MYO5C: variants seen among roughly 807,000 people sequenced by gnomAD.
MYO5C encodes unconventional myosin-Vc.
Under a neutral mutation model 235.7 loss-of-function variants are expected in MYO5C, and 194 were observed. That is an observed-to-expected ratio of 0.82 (90% CI 0.73 to 0.93). The LOEUF is 0.93. Ranked by LOEUF, MYO5C falls within the 40% of genes least tolerant of loss-of-function variation. MYO5C has a pLI of 0.00. For synonymous variants in MYO5C, 707 were observed against 754.8 expected (o/e 0.94, Z 1.04); for missense variants, 2,038 against 2,127.2 (o/e 0.96, Z 0.82).
At chr15:52,245,705 G>A (rs568479717) in intron 17 of MYO5C, among the ~76,000 whole-genome samples, 57 of 152,322 alleles carry the variant, frequency 3.7e-4, no homozygotes, top group East Asian at 1.9e-4. Context: ...CCTAGTACAC[G>A]GGGGAGGCGG....
At chr15:52,222,212 C>T (rs950983943) in intron 29 of MYO5C, among the ~76,000 whole-genome samples, 8 of 152,104 alleles carry the variant, frequency 5.3e-5, no homozygotes, top group African/African-American at 1.7e-4. Context: ...GGACGTAGCC[C>T]CATGGTAAGC....
chr15:52,277,348 C>G (rs2037075417), intron 4 of MYO5C: 1 of 477,934 alleles, frequency 2.1e-6, no homozygotes, highest in African/African-American at 2.1e-5. Flanking sequence ...CACCCATACC[C>G]AGTCCCTAAT....
intron 23 of MYO5C, among the ~76,000 whole-genome samples, chr15:52,234,457 C>G (rs986652372): frequency 2.0e-5 from 3 of 148,350 alleles, no homozygotes; most frequent in Admixed American, 6.9e-5. Context: ...ATTTAAATGC[C>G]CTTGTGGGAA....
Position 52,224,918 on chromosome 15 carries a change from T to A in MYO5C, c.3429A>T (p.Gly1143=), listed in dbSNP as rs975385300. The change falls in exon 28 of 41, where the codon GGA becomes GGT. Residue 1143 remains glycine, a synonymous_variant. Transcript: ENST00000261839. ...EDGELWFAYE[G]LKKATRVLES... ...TTTCTAACCGTGTTGCTTTCTTTAG[T>A]CCTTCATAAGCAAACCAAAGTTCTC... 6.2e-7 allele frequency: 1 copy of A among 1,613,578 alleles called. No individual in the cohort carries two copies. Among genetic ancestry groups the A allele is most frequent in the Non-Finnish European group, 8.5e-7 (1 of 1,179,830 alleles).
At chr15:52,205,186 GAC>G (rs748999350) in intron 37 of MYO5C, 39 bp from the exon 38 acceptor site, 3 of 1,601,060 alleles carry the variant, frequency 1.9e-6, no homozygotes, top group African/African-American at 2.7e-5. Context: ...CACGCCAGGA[GAC>G]ACACGCGGAA....
rs1215501790 is a variant in MYO5C at position 52,286,893 on chromosome 15, C to T, written c.28-4001G>A. Among the ~76,000 whole-genome samples, 5 of 149,902 alleles carry T rather than the reference C, an allele frequency of 3.3e-5. No individual in the cohort carries two copies. In the East Asian group the frequency reaches 9.8e-4, roughly 29 times the overall value. ...CCTTCCCTCCACTATTGTCCTGTGA[C>T]CCTGCCAAATCCCCCTCTGCGAGAA... On this transcript the variant is annotated intron_variant, in intron 1 of 40. Transcript: ENST00000261839.
At chr15:52,210,086 CCTG>C (rs1208416732) in intron 35 of MYO5C, among the ~76,000 whole-genome samples, 3 of 152,166 alleles carry the variant, frequency 2.0e-5, no homozygotes, top group Admixed American at 6.5e-5. Flanking sequence ...ACCTCAGCTT[CCTG>C]AGTAGCTGGG....
chr15:52,194,146 T>G, intron 40 of MYO5C, 92 bp from the exon 41 acceptor site: 111 of 1,194,190 alleles, frequency 9.3e-5, no homozygotes, highest in Middle Eastern at 2.4e-4. Context: ...CAGCTATCTC[T>G]AGTGGAGAGC....
intron 1 of MYO5C, among the ~76,000 whole-genome samples, chr15:52,285,331 G>A (rs1304161387): frequency 1.3e-5 from 2 of 151,356 alleles, no homozygotes; most frequent in African/African-American, 4.9e-5. Context: ...TCGCACCACT[G>A]CACTCCAGCC....
At chr15:52,278,537 G>C (rs1468345484) in intron 4 of MYO5C, among the ~76,000 whole-genome samples, 1 of 145,916 alleles carries the variant, frequency 6.9e-6, no homozygotes, top group Non-Finnish European at 1.5e-5. Flanking sequence ...CCTGCAATGG[G>C]TAAAAAAAAA....
chr15:52,211,645 T>G, intron 35 of MYO5C, 85 bp downstream of exon 35: 1 of 1,434,036 alleles, frequency 7.0e-7, no homozygotes, highest in Non-Finnish European at 9.6e-7. Context: ...CACCACACAA[T>G]GGAGGCTCAG....
At chr15:52,208,467 G>A in intron 36 of MYO5C, 87 bp downstream of exon 36, 1 of 1,216,618 alleles carries the variant, frequency 8.2e-7, no homozygotes, top group Non-Finnish European at 1.2e-6. Flanking sequence ...CTGGTGGAGA[G>A]GATAGAGGCT....
At chr15:52,212,935 C>G (rs972819485) in intron 34 of MYO5C, among the ~76,000 whole-genome samples, 1 of 152,200 alleles carries the variant, frequency 6.6e-6, no homozygotes, top group Non-Finnish European at 1.5e-5. Flanking sequence ...CTGGAGATAT[C>G]TTTTATTGTC....
At chr15:52,286,318 G>C (rs1164139006) in intron 1 of MYO5C, among the ~76,000 whole-genome samples, 2 of 148,898 alleles carry the variant, frequency 1.3e-5, no homozygotes, top group Non-Finnish European at 3.0e-5. Flanking sequence ...AGGGAGGTGG[G>C]GGGGGTCAGC....
At position 52,237,718 on chromosome 15, in the gene MYO5C, C is replaced by T; in HGVS notation, c.2704-72G>A. On this transcript the variant is annotated intron_variant, in intron 21 of 40. Transcript: ENST00000261839. ...ATGCTGTTCCATTTAATTCTCATAG[C>T]CTTTGACACAGCATCCAAATTTGAG... 4.1e-6 allele frequency: 6 copies of T among 1,457,604 alleles called. No homozygotes were observed. The East Asian group carries it at 1.1e-4, about 28-fold the overall frequency. The allele number at this position is 1,457,604 out of a possible 1,614,324, so 90.3% of individuals were successfully genotyped here. A position where few individuals can be genotyped will look rare whatever the true frequency, so the allele number is the denominator to read the frequency against.
chr15:52,258,510 T>G (rs1279324488), intron 10 of MYO5C, among the ~76,000 whole-genome samples: 3 of 152,194 alleles, frequency 2.0e-5, no homozygotes, highest in Non-Finnish European at 4.4e-5. Flanking sequence ...AGCTTAGACC[T>G]TGAAGCTCAC....
chr15:52,274,016 CT>C (rs2036983438), intron 5 of MYO5C, among the ~76,000 whole-genome samples: 1 of 152,080 alleles, frequency 6.6e-6, no homozygotes, highest in Admixed American at 6.6e-5. Context: ...AGGATTTTTG[CT>C]TTTTACTTCT....
At chr15:52,264,096 A>G (rs2036751165) in intron 9 of MYO5C, 94 bp downstream of exon 9, 4 of 906,290 alleles carry the variant, frequency 4.4e-6, no homozygotes, top group Admixed American at 2.5e-5. Flanking sequence ...GAGGCCGACT[A>G]TATCTGGTGC....
intron 10 of MYO5C, among the ~76,000 whole-genome samples, chr15:52,258,785 A>T (rs2036631978): frequency 6.6e-6 from 1 of 152,194 alleles, no homozygotes; most frequent in South Asian, 2.1e-4. Flanking sequence ...AGGAATCTTA[A>T]AATAATTTAC....
Sources: allele counts gnomAD v4.1 joint callset (sites outside exome capture counted in the v4.1 genomes callset), GRCh38; gene constraint gnomAD v4.1.1; transcripts MANE v1.5; gene names NCBI Gene and HGNC (gene_info 2026-07-23, HGNC 2026-07-21).